The following CLMN variants were observed in gnomAD, a reference collection of about 807,000 sequenced individuals.
The protein encoded by CLMN is calmin.
Under a neutral mutation model 92.7 loss-of-function variants are expected in CLMN, and 57 were observed. The observed-to-expected ratio is 0.61, with a 90% CI of 0.50 to 0.77. CLMN has a LOEUF of 0.77. Ranked by LOEUF, CLMN falls within the 30% of genes least tolerant of loss-of-function variation. CLMN has a pLI of 0.00. For synonymous variants in CLMN, 466 were observed against 470.6 expected (o/e 0.99, Z 0.13); for missense variants, 1,158 against 1,237.5 (o/e 0.94, Z 0.96).
rs1899317162 is a variant in CLMN at position 95,262,946 on chromosome 14, G to A, written c.83-32813C>T. 3.9e-5 allele frequency among the ~76,000 whole-genome samples: 6 copies of A among 152,148 alleles called. No individual in the cohort carries two copies. In the South Asian group the frequency reaches 6.2e-4, roughly 16 times the overall value. The stretch of plus-strand genomic sequence containing the variant: ...GCCACGCAGCTTGTTCTTCTGGGAG[G>A]TAGGAGCAAAACTAGGCCATGGTCT... On this transcript the variant is annotated intron_variant, in intron 1 of 12. Transcript: ENST00000298912.
At chr14:95,306,941 T>G (rs571736641) in intron 1 of CLMN, among the ~76,000 whole-genome samples, 7 of 152,318 alleles carry the variant, frequency 4.6e-5, no homozygotes, top group African/African-American at 1.7e-4. Context: ...ACATGCATGT[T>G]ATTTAGAGAC....
intron 1 of CLMN, among the ~76,000 whole-genome samples, chr14:95,290,483 C>T (rs181992107): frequency 2.4e-3 from 360 of 152,260 alleles, no homozygotes; most frequent in Non-Finnish European, 4.0e-3. Flanking sequence ...AGAGAAGAGA[C>T]AGTTGATGGA....
At chr14:95,274,706 C>T (rs555829658) in intron 1 of CLMN, among the ~76,000 whole-genome samples, 2 of 152,322 alleles carry the variant, frequency 1.3e-5, no homozygotes, top group East Asian at 1.9e-4. Flanking sequence ...CACAGCCGGG[C>T]GCGGTGGCTC....
rs376478526 is a variant in CLMN at position 95,249,678 on chromosome 14, G to A, written c.83-19545C>T. ...GCGATCTCAGCTCACTGCAACCTCC[G>A]CCTTCCGGATTCAAGCAATTCTCCT... On this transcript the variant is annotated intron_variant, in intron 1 of 12. Transcript: ENST00000298912. Among the ~76,000 whole-genome samples, 47 of 151,790 alleles carry A rather than the reference G, an allele frequency of 3.1e-4. No individual in the cohort carries two copies. The East Asian group carries it at 7.0e-3, about 23-fold the overall frequency.
In CLMN at chr14:95,196,559, C is replaced by T; in HGVS notation, c.2647G>A (p.Gly883Arg). 6.2e-7 allele frequency: 1 copy of T among 1,614,248 alleles called. No individual in the cohort carries two copies. Among genetic ancestry groups the T allele is most frequent in the Middle Eastern group, 1.6e-4 (1 of 6,062 alleles). ...HVESSLFVAPGSVQSSDDLEE... is the reference protein window; with the variant it reads ...HVESSLFVAPRSVQSSDDLEE... ...AGGTCATCTGAGGATTGAACACTTC[C>T]TGGTGCTACAAATAGTGAACTTTCT... Residue 883 changes from glycine (G) to arginine (R), a missense_variant, in exon 10 of 13, where the codon GGA becomes AGA. Physicochemically the swap from Gly to Arg is moderately radical, Grantham distance 125. Coordinates refer to ENST00000298912, the MANE Select transcript of CLMN (RefSeq NM_024734.4).
intron 1 of CLMN, among the ~76,000 whole-genome samples, chr14:95,278,765 TTC>T (rs1900031273): frequency 6.6e-6 from 1 of 152,226 alleles, no homozygotes; most frequent in Non-Finnish European, 1.5e-5. Flanking sequence ...GAGAAGCATG[TTC>T]TTGGCTGCCT....
chr14:95,201,747 C>T (rs1896889863), intron 9 of CLMN, among the ~76,000 whole-genome samples: 1 of 151,860 alleles, frequency 6.6e-6, no homozygotes, highest in African/African-American at 2.4e-5. Flanking sequence ...GCCTCCCACC[C>T]CCCAACAATG....
intron 1 of CLMN, among the ~76,000 whole-genome samples, chr14:95,290,801 C>T (rs550935805): frequency 2.0e-5 from 3 of 152,238 alleles, no homozygotes; most frequent in African/African-American, 7.2e-5. Context: ...AGCTCCCGAG[C>T]GTCAGAACAG....
Position 95,190,444 on chromosome 14 carries a change from G to A in CLMN, c.*1120C>T, listed in dbSNP as rs1201969823. ...AAGGGTTGCCTGGTACATGCTTTCT[G>A]AAGGGGAGAGCAAGGGGAGGAGGAA... On this transcript the variant is annotated 3_prime_UTR_variant, in exon 13 of 13. Transcript: ENST00000298912. 2.0e-5 allele frequency: 3 copies of A among 152,470 alleles called. No homozygotes were observed. The highest frequency in any genetic ancestry group is 4.4e-5 in the Non-Finnish European group (3 of 68,228). The allele number at this position is 152,470 out of a possible 1,614,324, so 9.4% of individuals were successfully genotyped here.
chr14:95,271,220 T>C (rs58601433), intron 1 of CLMN, among the ~76,000 whole-genome samples: 17,061 of 152,274 alleles, frequency 0.11, 1,152 homozygotes, highest in African/African-American at 0.19. Context: ...TTATCAGATA[T>C]ACAATTTGCA....
chr14:95,242,557 G>C (rs1338943893), intron 1 of CLMN, among the ~76,000 whole-genome samples: 1 of 138,958 alleles, frequency 7.2e-6, no homozygotes, highest in Non-Finnish European at 1.5e-5. Flanking sequence ...ACCATGCCCA[G>C]CCTGGCATCT....
chr14:95,204,194 G>C lies in CLMN; in HGVS notation c.1155C>G (p.Asp385Glu). ...TACCTGGGCCCCCTTGCAGGACCTGGTCAATAATCTGGTGCATGAACTCGG... is the reference window on the plus strand; with the variant it reads ...TACCTGGGCCCCCTTGCAGGACCTGCTCAATAATCTGGTGCATGAACTCGG... ...SSTEFMHQII[D>E]QVLQGGPGKT... Residue 385 changes from aspartate (D) to glutamate (E), a missense_variant, in exon 9 of 13, where the codon GAC becomes GAG. Coordinates refer to ENST00000298912, the MANE Select transcript of CLMN (RefSeq NM_024734.4). 1.2e-6 allele frequency: 2 copies of C among 1,614,158 alleles called. No homozygotes were observed. Among genetic ancestry groups the C allele is most frequent in the Non-Finnish European group, 1.7e-6 (2 of 1,180,040 alleles).
At chr14:95,311,662 C>A (rs1008840874) in intron 1 of CLMN, among the ~76,000 whole-genome samples, 2 of 152,094 alleles carry the variant, frequency 1.3e-5, no homozygotes, top group Admixed American at 1.3e-4. Context: ...TGCATGGGCC[C>A]GTCTGGGACG....
At chr14:95,245,206 T>C (rs1385365057) in intron 1 of CLMN, among the ~76,000 whole-genome samples, 638 of 24,836 alleles carry the variant, frequency 0.026, 64 homozygotes, top group Middle Eastern at 0.043. Context: ...TATATATATA[T>C]ATTATATATA....
At chr14:95,242,808 C>A (rs1898306906) in intron 1 of CLMN, among the ~76,000 whole-genome samples, 1 of 151,734 alleles carries the variant, frequency 6.6e-6, no homozygotes, top group Non-Finnish European at 1.5e-5. Context: ...ACCTCGTGAT[C>A]CGCCCACCTT....
At chr14:95,276,981 A>G (rs1030886534) in intron 1 of CLMN, among the ~76,000 whole-genome samples, 1 of 151,004 alleles carries the variant, frequency 6.6e-6, no homozygotes, top group Non-Finnish European at 1.5e-5. Context: ...TGGCCCCCCC[A>G]TAGCTATGGC....
chr14:95,228,468 C>A (rs75420783), intron 2 of CLMN, among the ~76,000 whole-genome samples: 1 of 152,210 alleles, frequency 6.6e-6, no homozygotes, highest in East Asian at 1.9e-4. Context: ...ATGTTCTACA[C>A]GTCAGGAGTG....
At chr14:95,299,015 A>T (rs1017313413) in intron 1 of CLMN, among the ~76,000 whole-genome samples, 21 of 152,182 alleles carry the variant, frequency 1.4e-4, no homozygotes, top group Non-Finnish European at 2.2e-4. Context: ...ATTTATTTAT[A>T]TGTTTATTCA....
At chr14:95,246,613 C>T (rs898482974) in intron 1 of CLMN, among the ~76,000 whole-genome samples, 20 of 152,304 alleles carry the variant, frequency 1.3e-4, no homozygotes, top group East Asian at 3.9e-4. Flanking sequence ...GGAGTAGAGG[C>T]GCCCACCACC....
Sources: gnomAD v4.1 joint callset for allele counts (sites outside exome capture counted in the v4.1 genomes callset) on GRCh38, gnomAD v4.1.1 for gene constraint, MANE v1.5 for transcripts, NCBI Gene and HGNC (gene_info 2026-07-23, HGNC 2026-07-21) for gene names.